Variants in PDSS1 observed in about 807,000 individuals in gnomAD.
PDSS1 encodes decaprenyl diphosphate synthase subunit 1.
Under a neutral mutation model 57.5 loss-of-function variants are expected in PDSS1, and 43 were observed. That is an observed-to-expected ratio of 0.75 (90% CI 0.59 to 0.96). PDSS1 has a LOEUF of 0.96. Among genes scored for constraint, PDSS1 ranks in the 50% least tolerant of loss-of-function variants. The probability of loss-of-function intolerance (pLI) is 0.00; values close to 1 mark genes in which losing one functional copy is unlikely to be tolerated. For missense variants in PDSS1, 438 were observed against 527.8 expected, an observed-to-expected ratio of 0.83 and a Z score of 1.67; for synonymous variants, 175 against 191.3, an observed-to-expected ratio of 0.91 and a Z score of 0.70.
intron 6 of PDSS1, among the ~76,000 whole-genome samples, chr10:26,723,206 G>C (rs1244139388): frequency 2.0e-5 from 3 of 152,138 alleles, no homozygotes; most frequent in Non-Finnish European, 2.9e-5. Context: ...GAGGGATCGG[G>C]GGGAACTTCT....
intron 8 of PDSS1, among the ~76,000 whole-genome samples, chr10:26,731,757 AGT>A (rs1397271441): frequency 1.3e-5 from 2 of 152,130 alleles, no homozygotes; most frequent in Non-Finnish European, 2.9e-5. Flanking sequence ...CTCCTTTCTG[AGT>A]GAGGTGGAAC....
chr10:26,739,163 C>T (rs545489137), intron 10 of PDSS1, among the ~76,000 whole-genome samples: 1 of 152,278 alleles, frequency 6.6e-6, no homozygotes, highest in Admixed American at 6.5e-5. Flanking sequence ...CTTATGCTAT[C>T]GTGGTGACTA....
intron 5 of PDSS1, among the ~76,000 whole-genome samples, chr10:26,712,971 T>C (rs1194387269): frequency 1.0e-5 from 1 of 96,868 alleles, no homozygotes; most frequent in Non-Finnish European, 2.4e-5. Context: ...TTTTTTGTTT[T>C]TTTTTTTGCT....
intron 8 of PDSS1, among the ~76,000 whole-genome samples, chr10:26,725,792 A>G (rs1835932197): frequency 6.6e-6 from 1 of 152,190 alleles, no homozygotes; most frequent in Admixed American, 6.5e-5. Context: ...AAGCATTAGC[A>G]TGGTCAGGCA....
chr10:26,740,117 G>A (rs1836536243), intron 10 of PDSS1, among the ~76,000 whole-genome samples: 1 of 149,836 alleles, frequency 6.7e-6, no homozygotes, highest in South Asian at 2.1e-4. Context: ...ACTCCAGCCT[G>A]GATGACAGAG....
At chr10:26,734,860 G>A (rs989163206) in intron 8 of PDSS1, 22 of 432,800 alleles carry the variant, frequency 5.1e-5, no homozygotes, top group Non-Finnish European at 9.6e-5. Context: ...CTAGCTTGCC[G>A]AGTGCTAGAA....
At chr10:26,740,950 C>A (rs894712466) in intron 10 of PDSS1, 1 of 236,486 alleles carries the variant, frequency 4.2e-6, no homozygotes, top group Non-Finnish European at 8.8e-6. Flanking sequence ...CCTTCAGTTC[C>A]TTTTTTACCT....
At chr10:26,737,709 T>C (rs1020024930) in intron 10 of PDSS1, among the ~76,000 whole-genome samples, 20 of 111,098 alleles carry the variant, frequency 1.8e-4, no homozygotes, top group African/African-American at 7.4e-4. Flanking sequence ...GGTGACAGAG[T>C]GAGACTCCGT....
intron 8 of PDSS1, among the ~76,000 whole-genome samples, chr10:26,728,101 A>G (rs1564429913): frequency 6.6e-6 from 1 of 152,180 alleles, no homozygotes; most frequent in Non-Finnish European, 1.5e-5. Flanking sequence ...CACGCCTGTA[A>G]TCCCAGCACT....
At chr10:26,704,414 A>G (rs956777389) in intron 2 of PDSS1, among the ~76,000 whole-genome samples, 1 of 151,898 alleles carries the variant, frequency 6.6e-6, no homozygotes, top group Non-Finnish European at 1.5e-5. Flanking sequence ...ATAGATATGA[A>G]TATGGAAATG....
chr10:26,697,949 G>A lies in PDSS1; in HGVS notation c.129+109G>A, dbSNP rs1408404359. 5 of 1,014,580 alleles carry A rather than the reference G, an allele frequency of 4.9e-6. No homozygotes were observed. In the East Asian group the frequency reaches 1.2e-4, roughly 24 times the overall value. The allele number at this position is 1,014,580 out of a possible 1,614,324, so 62.8% of individuals were successfully genotyped here. Reference sequence around the variant, plus strand: ...AGCACGTGCGTCGCGACGCGGGGGCGCGCGGGGTAGCTCCGGGGTAGCTCC... The same window carrying A: ...AGCACGTGCGTCGCGACGCGGGGGCACGCGGGGTAGCTCCGGGGTAGCTCC... On this transcript the variant is annotated intron_variant, in intron 1 of 11. Transcript: ENST00000376215.
chr10:26,735,212 T>G (rs1367093808), intron 8 of PDSS1, 28 bp from the exon 9 acceptor site: 10 of 1,554,728 alleles, frequency 6.4e-6, no homozygotes, highest in Non-Finnish European at 8.9e-6. Context: ...TGGAAGCAGC[T>G]TATCTCAGAA....
At chr10:26,735,181 G>A in intron 8 of PDSS1, 59 bp from the exon 9 acceptor site, 2 of 1,172,962 alleles carry the variant, frequency 1.7e-6, no homozygotes, top group South Asian at 1.2e-5. Context: ...TCAGCCAGGG[G>A]TCAGCTGCTT....
chr10:26,733,290 G>A (rs1431352942), intron 8 of PDSS1, among the ~76,000 whole-genome samples: 1 of 152,036 alleles, frequency 6.6e-6, no homozygotes, highest in African/African-American at 2.4e-5. Context: ...ATCTTGCCAT[G>A]CTCTCCTTTG....
In PDSS1 at chr10:26,745,855, G is replaced by GA. The variant is rs936396248; in HGVS notation, c.1108-472dup. On this transcript the variant is annotated intron_variant, in intron 11 of 11. Coordinates refer to ENST00000376215, the MANE Select transcript of PDSS1 (RefSeq NM_014317.5). ...AGTGAGACCCTGTCTCAAAAAAAAAGAAAAAAGAAAAAAAAAACTATTGGA... is the reference window on the plus strand; with the variant it reads ...AGTGAGACCCTGTCTCAAAAAAAAAGAAAAAAAGAAAAAAAAAACTATTGGA... Among the ~76,000 whole-genome samples the GA allele has an allele frequency of 4.7e-5, 7 of 148,770 alleles. No homozygotes were observed. The East Asian group carries it at 8.0e-4, about 17-fold the overall frequency.
intron 10 of PDSS1, among the ~76,000 whole-genome samples, chr10:26,739,748 T>G (rs1261112415): frequency 6.6e-6 from 1 of 152,116 alleles, no homozygotes; most frequent in Admixed American, 6.6e-5. Context: ...ACGTCCATAA[T>G]CCCAGCACTC....
At chr10:26,729,351 C>T (rs1313003193) in intron 8 of PDSS1, among the ~76,000 whole-genome samples, 1 of 152,178 alleles carries the variant, frequency 6.6e-6, no homozygotes. Context: ...CTAGGAAATA[C>T]ATGTATGTAT....
At chr10:26,699,339 A>G (rs1180368359) in intron 1 of PDSS1, among the ~76,000 whole-genome samples, 1 of 151,310 alleles carries the variant, frequency 6.6e-6, no homozygotes, top group African/African-American at 2.4e-5. Flanking sequence ...AGAAGCCAGT[A>G]TTTGAAGAGA....
chr10:26,746,476 A>G lies in PDSS1; in HGVS notation c.*3A>G, dbSNP rs115180525. Reference sequence around the variant, plus strand: ...TTGTACTCACAAGAGATAAATGACAACTCTTTCTGTTCTTTCTGGCAGCTA... The same window carrying G: ...TTGTACTCACAAGAGATAAATGACAGCTCTTTCTGTTCTTTCTGGCAGCTA... On this transcript the variant is annotated 3_prime_UTR_variant, in exon 12 of 12. Transcript: ENST00000376215. 988 of 1,613,832 alleles carry G rather than the reference A, an allele frequency of 6.1e-4. 2 individuals carry two copies. In the African/African-American group the frequency reaches 0.011, roughly 18 times the overall value.
Sources: gnomAD v4.1 joint callset for allele counts (sites outside exome capture counted in the v4.1 genomes callset) on GRCh38, gnomAD v4.1.1 for gene constraint, MANE v1.5 for transcripts, NCBI Gene and HGNC (gene_info 2026-07-23, HGNC 2026-07-21) for gene names.